The following PCDH11X variants were observed in gnomAD, a reference collection of about 807,000 sequenced individuals.
PCDH11X encodes the protein protocadherin-11 X-linked.
In PCDH11X, 18 loss-of-function variants were observed where a neutral mutation model predicts 53.3. The ratio of observed to expected loss-of-function variants is 0.34; its 90% confidence interval spans 0.23 to 0.50. The LOEUF is 0.50. Among genes scored for constraint, PCDH11X ranks in the 20% least tolerant of loss-of-function variants. The pLI is 0.98. For synonymous variants in PCDH11X, 279 were observed against 393.3 expected, an observed-to-expected ratio of 0.71 and a Z score of 3.44; for missense variants, 570 against 1,032.4, an observed-to-expected ratio of 0.55 and a Z score of 6.14.
At chrX:91,806,497 G>T in intron 1 of PCDH11X, among the ~76,000 whole-genome samples, 1 of 113,330 alleles carries the variant, frequency 8.8e-6, no homozygotes, top group East Asian at 2.7e-4. Flanking sequence ...CACAAGGAGT[G>T]TAAATTACAG....
chrX:92,558,454 C>G (rs1165446863), intron 10 of PCDH11X, among the ~76,000 whole-genome samples: 1 of 111,095 alleles, frequency 9.0e-6, no homozygotes, highest in African/African-American at 3.3e-5. Context: ...ATATGGAGTT[C>G]ATTGGGAAGG....
rs772412434 is a variant in PCDH11X, at chrX:92,269,737, C to T, written c.3144+6594C>T. Among the ~76,000 whole-genome samples the T allele has an allele frequency of 1.4e-3, 159 of 111,522 alleles. 1 individual carries two copies. Among genetic ancestry groups the T allele is most frequent in the South Asian group, 3.4e-3 (9 of 2,625 alleles). ...AAATATATAAAATAAAAAGGCCTCC[C>T]CTTAAGTCAGCTACCCTTGCTAGAT... On this transcript the variant is annotated intron_variant, in intron 8 of 10. Transcript: ENST00000682573.
At chrX:92,481,843 G>A (rs1000434868) in intron 10 of PCDH11X, among the ~76,000 whole-genome samples, 2 of 105,160 alleles carry the variant, frequency 1.9e-5, no homozygotes, top group Non-Finnish European at 3.9e-5. Context: ...TAGTCAAGTG[G>A]TTTCCTACTG....
At chrX:92,240,976 G>T (rs2148384390) in intron 7 of PCDH11X, among the ~76,000 whole-genome samples, 1 of 110,905 alleles carries the variant, frequency 9.0e-6, no homozygotes, top group African/African-American at 3.3e-5. Context: ...CAAAAATTTT[G>T]AAATTGTAAA....
intron 4 of PCDH11X, among the ~76,000 whole-genome samples, chrX:91,828,328 G>A (rs1319368683): frequency 1.8e-5 from 2 of 109,965 alleles, no homozygotes; most frequent in Non-Finnish European, 3.8e-5. Context: ...CACCATGTTA[G>A]CCAGAATGGT....
intron 7 of PCDH11X, among the ~76,000 whole-genome samples, chrX:92,214,706 A>G (rs2066656823): frequency 9.0e-6 from 1 of 110,912 alleles, no homozygotes; most frequent in Non-Finnish European, 1.9e-5. Context: ...CCATGGCCAA[A>G]CTAGCACGTT....
At chrX:92,141,634 T>G (rs1303470546) in intron 6 of PCDH11X, among the ~76,000 whole-genome samples, 1 of 112,008 alleles carries the variant, frequency 8.9e-6, no homozygotes, top group Admixed American at 9.6e-5. Context: ...ATCACAGTTA[T>G]GTTGCTATTT....
intron 8 of PCDH11X, among the ~76,000 whole-genome samples, chrX:92,342,532 A>G (rs1420718122): frequency 8.9e-6 from 1 of 111,945 alleles, no homozygotes; most frequent in Non-Finnish European, 1.9e-5. Context: ...TGAAAAAGGA[A>G]CAAAATCATA....
In PCDH11X at chrX:92,174,049, A is replaced by G. The variant is rs79704605; in HGVS notation, c.3034-27326A>G. 7.3e-3 allele frequency among the ~76,000 whole-genome samples: 752 copies of G among 103,529 alleles called. 9 individuals carry two copies. The highest frequency in any genetic ancestry group is 0.025 in the African/African-American group (720 of 28,475). 89.9% of individuals were successfully genotyped at this position (103,529 alleles called of 115,157 possible). On this transcript the variant is annotated intron_variant, in intron 6 of 10. Coordinates refer to ENST00000682573, the MANE Select transcript of PCDH11X (RefSeq NM_032968.5). ...ACAGCAATCAGAAAACCAGTTGCTC[A>G]CCTAAACAAGAGGCTTTGTTAGAAA...
At chrX:92,149,048 T>G (rs2065382267) in intron 6 of PCDH11X, among the ~76,000 whole-genome samples, 1 of 111,482 alleles carries the variant, frequency 9.0e-6, no homozygotes, top group Non-Finnish European at 1.9e-5. Flanking sequence ...TTATCGAATG[T>G]ATAAAATATA....
At chrX:92,008,971 A>T (rs146049567) in intron 6 of PCDH11X, among the ~76,000 whole-genome samples, 1,152 of 111,944 alleles carry the variant, frequency 0.01, 9 homozygotes, top group African/African-American at 0.035. Flanking sequence ...TGATAAAGAA[A>T]TCGGAACAAA....
At chrX:92,002,888 T>G (rs182334621) in intron 6 of PCDH11X, among the ~76,000 whole-genome samples, 1 of 106,248 alleles carries the variant, frequency 9.4e-6, no homozygotes, top group Non-Finnish European at 1.9e-5. Context: ...TATATTTTTC[T>G]TATGGCTCAT....
intron 8 of PCDH11X, among the ~76,000 whole-genome samples, chrX:92,326,622 C>CTATATATATATATATATAATA (rs1160866218): frequency 6.6e-5 from 3 of 45,801 alleles, no homozygotes; most frequent in African/African-American, 4.4e-4. Context: ...TTTTAATAAA[C>CTATATATATATATATATAATA]TATATATATA....
At chrX:92,550,919 C>G (rs1247785223) in intron 10 of PCDH11X, among the ~76,000 whole-genome samples, 1 of 109,225 alleles carries the variant, frequency 9.2e-6, no homozygotes, top group East Asian at 2.9e-4. Flanking sequence ...GACTGGATCT[C>G]ATTCTTTTTT....
At chrX:92,149,485 G>T (rs1214295042) in intron 6 of PCDH11X, among the ~76,000 whole-genome samples, 1 of 87,436 alleles carries the variant, frequency 1.1e-5, no homozygotes, top group Non-Finnish European at 2.1e-5. Flanking sequence ...ATATGTGTGT[G>T]TGTATATATA....
intron 7 of PCDH11X, among the ~76,000 whole-genome samples, chrX:92,246,837 T>C (rs1460291830): frequency 8.9e-6 from 1 of 111,892 alleles, no homozygotes. Flanking sequence ...TAAAAATAGT[T>C]GATGTCAAAA....
intron 7 of PCDH11X, among the ~76,000 whole-genome samples, chrX:92,240,248 C>T (rs761343490): frequency 9.0e-6 from 1 of 111,601 alleles, no homozygotes; most frequent in African/African-American, 3.3e-5. Context: ...TATATGCTAG[C>T]TACAGTCTGG....
chrX:92,264,880 ATTTTT>A (rs36145079), intron 8 of PCDH11X, among the ~76,000 whole-genome samples: 2 of 87,769 alleles, frequency 2.3e-5, no homozygotes, highest in African/African-American at 4.2e-5. Context: ...GTGAAGGACA[ATTTTT>A]TTTTTTTTTT....
At chrX:92,471,285 C>G (rs1286166405) in intron 10 of PCDH11X, among the ~76,000 whole-genome samples, 2 of 107,420 alleles carry the variant, frequency 1.9e-5, no homozygotes, top group Admixed American at 1.0e-4. Flanking sequence ...CAAGAGACCC[C>G]AGTGTGTGTT....
Sources: gnomAD v4.1 joint callset for allele counts (sites outside exome capture counted in the v4.1 genomes callset) on GRCh38, gnomAD v4.1.1 for gene constraint, MANE v1.5 for transcripts, NCBI Gene and HGNC (gene_info 2026-07-23, HGNC 2026-07-21) for gene names.